KRT82: variants seen among roughly 807,000 people sequenced by gnomAD.
KRT82 encodes keratin, type II cuticular Hb2.
KRT82 carries 44 observed loss-of-function variants against 48.0 expected under a neutral mutation model. That is an observed-to-expected ratio of 0.92 (90% confidence interval 0.72 to 1.18). KRT82 has a LOEUF of 1.18. Ranked by LOEUF, KRT82 falls within the 50% of genes most tolerant of loss-of-function variation. The pLI, the probability that KRT82 is intolerant of heterozygous loss-of-function variation, is 0.00. For synonymous variants in KRT82, 297 were observed against 278.3 expected (o/e 1.07, Z -0.67); for missense variants, 701 against 671.4 (o/e 1.04, Z -0.49).
At chr12:52,403,234 G>A (rs866641141) in intron 2 of KRT82, among the ~76,000 whole-genome samples, 1 of 152,194 alleles carries the variant, frequency 6.6e-6, no homozygotes, top group African/African-American at 2.4e-5. Flanking sequence ...GCCAGAGTTG[G>A]GGGTGAGAGA....
In KRT82 at chr12:52,394,933, C is replaced by T. The variant is rs755779555; in HGVS notation, c.*42G>A. ...CCTGGTGGGAGTGTGACATCCAGGG[C>T]CATGGGGCAGGGGCTCTGTCTCCTG... On this transcript the variant is annotated 3_prime_UTR_variant, in exon 9 of 9. Transcript: ENST00000257974. 12 of 1,542,022 alleles carry T rather than the reference C, an allele frequency of 7.8e-6. No homozygotes were observed. The East Asian group carries it at 2.7e-4, about 35-fold the overall frequency.
At chr12:52,396,256 A>G in intron 6 of KRT82, 24 bp from the exon 7 acceptor site, 1 of 1,596,344 alleles carries the variant, frequency 6.3e-7, no homozygotes, top group Non-Finnish European at 8.5e-7. Flanking sequence ...GCAGAAAAGC[A>G]TCACTGGGGG....
intron 1 of KRT82, among the ~76,000 whole-genome samples, chr12:52,404,636 A>G (rs896221499): frequency 6.6e-6 from 1 of 152,186 alleles, no homozygotes; most frequent in African/African-American, 2.4e-5. Flanking sequence ...TGTCAAGAAA[A>G]CTACAGAAGT....
rs753309138 is a variant in KRT82 at position 52,395,009 on chromosome 12, C to A, written c.1508G>T (p.Gly503Val). 1.3e-5 allele frequency: 21 copies of A among 1,613,566 alleles called. No homozygotes were observed. Among genetic ancestry groups the A allele is most frequent in the Middle Eastern group, 3.3e-4 (2 of 6,082 alleles). ...GSGRKSSMTL[G>V]AGGSSPSHKH ...GTGGCTGGGGGAGCTGCCCCCAGCT[C>A]CTAGCGTCATGCTGGATTTCCGCCC... Residue 503 changes from glycine to valine, a missense_variant, in exon 9 of 9, where the codon GGA becomes GTA. Transcript: ENST00000257974.
intron 4 of KRT82, 73 bp from the exon 5 acceptor site, chr12:52,400,222 T>C (rs1441848328): frequency 6.8e-7 from 1 of 1,473,640 alleles, no homozygotes; most frequent in African/African-American, 1.4e-5. Context: ...GAGAACCCGT[T>C]CTGACCTTCC....
rs749516137 is a variant in KRT82 at position 52,406,030 on chromosome 12, C to T, written c.248G>A (p.Gly83Glu). 14 of 1,614,078 alleles carry T rather than the reference C, an allele frequency of 8.7e-6. No individual in the cohort carries two copies. The highest frequency in any genetic ancestry group is 1.6e-4 in the Middle Eastern group (1 of 6,084). The part of the protein sequence containing the change: ...GTLPGFGYRL[G>E]ATCGPSACIT... ...GCAGGCAGAAGGCCCACAGGTGGCT[C>T]CCAGTCGGTACCCGAAGCCAGGCAG... The change falls in exon 1 of 9, where the codon GGA (glycine) becomes GAA (glutamate). Residue 83 changes from glycine (G) to glutamate (E), a missense_variant. Coordinates refer to ENST00000257974, the MANE Select transcript of KRT82 (RefSeq NM_033033.4).
chr12:52,395,662 GC>G, intron 8 of KRT82, 96 bp downstream of exon 8: 2 of 839,086 alleles, frequency 2.4e-6, no homozygotes, highest in Non-Finnish European at 3.8e-6. Flanking sequence ...GGTAGGGGAG[GC>G]ATCAGAGGTC....
At chr12:52,404,545 C>T (rs1939827896) in intron 1 of KRT82, among the ~76,000 whole-genome samples, 1 of 152,294 alleles carries the variant, frequency 6.6e-6, no homozygotes, top group Admixed American at 6.5e-5. Flanking sequence ...AGTAAGTTCA[C>T]CATGGCCACC....
chr12:52,400,131 A>C lies in KRT82; in HGVS notation c.796T>G (p.Ser266Ala), dbSNP rs1301480290. ...LYEEEICLLQ[S>A]QISETSVIVK... The stretch of plus-strand genomic sequence containing the variant: ...ATGACCGAGGTCTCAGAGATCTGAG[A>C]CTGGAGCAGGCAGATCTCCTGGGGG... Residue 266 changes from serine (S) to alanine (A), a missense_variant, in exon 5 of 9, where the codon TCT becomes GCT. By Grantham distance (99) the Ser-to-Ala change is moderately conservative. Coordinates refer to ENST00000257974, the MANE Select transcript of KRT82 (RefSeq NM_033033.4). 2 of 1,613,836 alleles carry C rather than the reference A, an allele frequency of 1.2e-6. No homozygotes were observed. Among genetic ancestry groups the C allele is most frequent in the Non-Finnish European group, 1.7e-6 (2 of 1,179,750 alleles).
chr12:52,403,682 A>T lies in KRT82; in HGVS notation c.620+19T>A, dbSNP rs776603649. The T allele has an allele frequency of 6.8e-7, 1 of 1,475,884 alleles. No homozygotes were observed. Among genetic ancestry groups the T allele is most frequent in the Non-Finnish European group, 9.5e-7 (1 of 1,057,772 alleles). 91.4% of individuals were successfully genotyped at this position (1,475,884 alleles called of 1,614,324 possible). ...CTTGCCCCAGGTCCACCAGTGGGGT[A>T]AAAGCAGCACTGACTCACTTTTTCT... On this transcript the variant is annotated intron_variant, in intron 2 of 8. Coordinates refer to ENST00000257974, the MANE Select transcript of KRT82 (RefSeq NM_033033.4).
chr12:52,396,264 GGGCCCTGGA>G, intron 6 of KRT82, 32 bp from the exon 7 acceptor site: 1 of 1,582,836 alleles, frequency 6.3e-7, no homozygotes, highest in Non-Finnish European at 8.6e-7. Flanking sequence ...GCATCACTGG[GGGCCCTGGA>G]GCCCCAAGCC....
chr12:52,400,153 G>A lies in KRT82; in HGVS notation c.778-4C>T. The stretch of plus-strand genomic sequence containing the variant: ...GAGACTGGAGCAGGCAGATCTCCTG[G>A]GGGCAGGGCCCATGTGAGAAGGAGT... On this transcript the variant is annotated splice_region_variant and splice_polypyrimidine_tract_variant and intron_variant, in intron 4 of 8. Coordinates refer to ENST00000257974, the MANE Select transcript of KRT82 (RefSeq NM_033033.4). 6.2e-7 allele frequency: 1 copy of A among 1,611,994 alleles called. No individual in the cohort carries two copies. Among genetic ancestry groups the A allele is most frequent in the Non-Finnish European group, 8.5e-7 (1 of 1,178,460 alleles).
At chr12:52,396,715 G>C (rs1206510925) in intron 6 of KRT82, among the ~76,000 whole-genome samples, 168 bp downstream of exon 6, 2 of 152,150 alleles carry the variant, frequency 1.3e-5, no homozygotes, top group Non-Finnish European at 2.9e-5. Flanking sequence ...ATCCTGCTGT[G>C]GGTCAGCCCT....
At chr12:52,397,723 C>T (rs1480502735) in intron 5 of KRT82, among the ~76,000 whole-genome samples, 1 of 152,162 alleles carries the variant, frequency 6.6e-6, no homozygotes, top group Admixed American at 6.5e-5. Flanking sequence ...TCTGCAGTTG[C>T]CTAGTAAATA....
At position 52,400,556 on chromosome 12, in the gene KRT82, T is replaced by G; in HGVS notation, c.748A>C (p.Ile250Leu). Reference protein sequence around the residue: ...ETNAEALVQEIDFLKSLYEEE... With the variant: ...ETNAEALVQELDFLKSLYEEE... Reference sequence around the variant, plus strand: ...TCATACAGGCTTTTCAGGAAGTCGATCTCCTGCACGAGTGCCTCTGCGTTG... The same window carrying G: ...TCATACAGGCTTTTCAGGAAGTCGAGCTCCTGCACGAGTGCCTCTGCGTTG... Residue 250 changes from isoleucine to leucine, a missense_variant, in exon 4 of 9, where the codon ATC becomes CTC. Ile to Leu is a conservative substitution (Grantham distance 5, BLOSUM62 2). Transcript: ENST00000257974. The G allele has an allele frequency of 6.2e-7, 1 of 1,614,068 alleles. No homozygotes were observed. Among genetic ancestry groups the G allele is most frequent in the Non-Finnish European group, 8.5e-7 (1 of 1,179,968 alleles).
intron 3 of KRT82, among the ~76,000 whole-genome samples, chr12:52,400,882 C>T (rs924541094): frequency 3.9e-5 from 6 of 152,192 alleles, no homozygotes; most frequent in African/African-American, 1.4e-4. Flanking sequence ...TTTGCAGAGC[C>T]TGGGCCTGGA....
At chr12:52,402,504 C>T (rs1939802664) in intron 2 of KRT82, 1 of 152,432 alleles carries the variant, frequency 6.6e-6, no homozygotes, top group Non-Finnish European at 1.5e-5. Context: ...GCCACCCATT[C>T]CTGTCCTTTC....
intron 8 of KRT82, 114 bp downstream of exon 8, chr12:52,395,645 C>A (rs769803840): frequency 1.4e-6 from 1 of 740,050 alleles, no homozygotes; most frequent in East Asian, 2.8e-5. Context: ...CAGAGCTCTT[C>A]CTTTGGGGTA....
chr12:52,404,564 C>G (rs919960561), intron 1 of KRT82, among the ~76,000 whole-genome samples: 7 of 152,160 alleles, frequency 4.6e-5, no homozygotes, highest in African/African-American at 1.4e-4. Context: ...CCCGGCTGGA[C>G]ATTGACTAAG....
Sources: allele counts gnomAD v4.1 joint callset (sites outside exome capture counted in the v4.1 genomes callset), GRCh38; gene constraint gnomAD v4.1.1; transcripts MANE v1.5; gene names NCBI Gene and HGNC (gene_info 2026-07-23, HGNC 2026-07-21).